Variants in AKAP8L observed in about 807,000 individuals in gnomAD.
AKAP8L encodes A-kinase anchor protein 8-like.
A neutral mutation model predicts 77.5 loss-of-function variants in AKAP8L; 34 were observed. That is an observed-to-expected ratio of 0.44 (90% CI 0.33 to 0.58). The LOEUF (loss-of-function observed/expected upper bound fraction) is 0.58, where lower values mean the gene tolerates loss of function less well. Ranked by LOEUF, AKAP8L falls within the 20% of genes least tolerant of loss-of-function variation. AKAP8L has a pLI of 0.02. For missense variants in AKAP8L, 806 were observed against 887.6 expected (o/e 0.91, Z 1.17); for synonymous variants, 342 against 340.7 (o/e 1.00, Z -0.04).
intron 12 of AKAP8L, among the ~76,000 whole-genome samples, chr19:15,392,224 A>G (rs1967678692): frequency 6.6e-6 from 1 of 152,242 alleles, no homozygotes; most frequent in South Asian, 2.1e-4. Context: ...GGCTGAGCAC[A>G]GTGGCTCATG....
rs1412323016 is a variant in AKAP8L, at chr19:15,400,828, T to C, written c.950A>G (p.Glu317Gly). The C allele has an allele frequency of 6.2e-7, 1 of 1,613,946 alleles. No individual in the cohort carries two copies. Residue 317 changes from glutamate to glycine, a missense_variant, in exon 7 of 14, where the codon GAA becomes GGA. Glu to Gly is a moderately conservative substitution (Grantham distance 98, BLOSUM62 -2). This residue lies in a region of AKAP8L where 580 missense variants were observed against 694.1 expected (regional missense o/e 0.84). Coordinates refer to ENST00000397410, the MANE Select transcript of AKAP8L (RefSeq NM_014371.4). ...GCCCTTCTCCACAGCCTCGGTGCCT[T>C]CAAGGCCCTCTGTGGCTTCCCCCTC... Reference protein sequence around the residue: ...GTEGEATEGLEGTEAVEKGSR... With the variant: ...GTEGEATEGLGGTEAVEKGSR...
Position 15,398,925 on chromosome 19 carries a change from T to G in AKAP8L, c.1157+377A>C. 1 of 556,630 alleles carries G rather than the reference T, an allele frequency of 1.8e-6. No homozygotes were observed. Among genetic ancestry groups the G allele is most frequent in the Non-Finnish European group, 2.5e-6 (1 of 400,418 alleles). The allele number at this position is 556,630 out of a possible 1,614,324, so 34.5% of individuals were successfully genotyped here. A position where few individuals can be genotyped will look rare whatever the true frequency, so the allele number is the denominator to read the frequency against. On this transcript the variant is annotated intron_variant, in intron 9 of 13. Coordinates refer to ENST00000397410, the MANE Select transcript of AKAP8L (RefSeq NM_014371.4). This position sits in a 1 kb window ranked among gnomAD's most constrained non-coding sequence, Gnocchi z 9.2. ...GGCACGGCGGTGGCCTCTTGGCAGC[T>G]AGCTGGGGCGGCACAGGCGCCTTGG... is the stretch of plus-strand genomic sequence containing the variant.
At chr19:15,405,161 TG>T (rs1441429707) in intron 2 of AKAP8L, among the ~76,000 whole-genome samples, 2 of 152,092 alleles carry the variant, frequency 1.3e-5, no homozygotes, top group Non-Finnish European at 2.9e-5. Context: ...GAGAGCAGCA[TG>T]GGTAAGTCAG....
chr19:15,398,061 G>A lies in AKAP8L; in HGVS notation c.1158-206C>T. 1.7e-6 allele frequency: 1 copy of A among 596,590 alleles called. No individual in the cohort carries two copies. Among genetic ancestry groups the A allele is most frequent in the Non-Finnish European group, 2.9e-6 (1 of 340,476 alleles). 37.0% of individuals were successfully genotyped at this position (596,590 alleles called of 1,614,324 possible). A position where few individuals can be genotyped will look rare whatever the true frequency, so the allele number is the denominator to read the frequency against. On this transcript the variant is annotated intron_variant, in intron 9 of 13. Coordinates refer to ENST00000397410, the MANE Select transcript of AKAP8L (RefSeq NM_014371.4). This position sits in a 1 kb window ranked among gnomAD's most constrained non-coding sequence, Gnocchi z 9.2. Reference sequence around the variant, plus strand: ...TGCAGGCTGCAGTTACTGCAACGTAGGGGACAGGGGAGGAGCTCTTCCTTC... The same window carrying A: ...TGCAGGCTGCAGTTACTGCAACGTAAGGGACAGGGGAGGAGCTCTTCCTTC...
intron 12 of AKAP8L, among the ~76,000 whole-genome samples, chr19:15,391,410 AT>A (rs1215867676): frequency 2.7e-5 from 3 of 109,274 alleles, no homozygotes; most frequent in Non-Finnish European, 5.1e-5. Flanking sequence ...GTGAGCCGAG[AT>A]TGCACCACTG....
intron 2 of AKAP8L, 200 bp from the exon 3 acceptor site, chr19:15,404,242 G>C: frequency 1.7e-6 from 1 of 589,538 alleles, no homozygotes; most frequent in South Asian, 2.1e-5. Context: ...GTGGCTCTGA[G>C]CATCTGTTAT....
intron 12 of AKAP8L, among the ~76,000 whole-genome samples, chr19:15,390,187 A>T (rs1967631935): frequency 6.6e-6 from 1 of 152,102 alleles, no homozygotes; most frequent in Non-Finnish European, 1.5e-5. Flanking sequence ...AGGCCAAGGC[A>T]GGCAGATCGC....
At position 15,406,623 on chromosome 19, in the gene AKAP8L, T is replaced by C. The variant is rs143751101; in HGVS notation, c.89-2581A>G. 8.4e-3 allele frequency among the ~76,000 whole-genome samples: 1,277 copies of C among 152,048 alleles called. 8 individuals are homozygous for C. The highest frequency in any genetic ancestry group is 0.014 in the Non-Finnish European group (919 of 67,982). ...CTGGGACAACAGGCATGTGCCACCA[T>C]GCCCAGCTAATTTTTTCTATTTTTG... is the stretch of plus-strand genomic sequence containing the variant. On this transcript the variant is annotated intron_variant, in intron 2 of 13. Transcript: ENST00000397410.
rs752492853 is a variant in AKAP8L, at chr19:15,380,387, T to G, written c.1676A>C (p.Gln559Pro). The change falls in exon 14 of 14, where the codon CAG (glutamine) becomes CCG (proline). Residue 559 changes from glutamine to proline, a missense_variant. Gln to Pro is a moderately conservative substitution (Grantham distance 76, BLOSUM62 -1). This residue lies in a region of AKAP8L where 226 missense variants were observed against 193.5 expected (regional missense o/e 1.17). Coordinates refer to ENST00000397410, the MANE Select transcript of AKAP8L (RefSeq NM_014371.4). The part of the protein sequence containing the change: ...FTDSPEEEKE[Q>P]EEAEGGALDE... ...CAGGGCACCGCCCTCAGCCTCCTCC[T>G]GCTCCTTCTCCTCCTCGGGGCTGTC... 1.1e-5 allele frequency: 17 copies of G among 1,583,360 alleles called. No homozygotes were observed. The highest frequency in any genetic ancestry group is 1.4e-5 in the Non-Finnish European group (16 of 1,167,070).
intron 12 of AKAP8L, among the ~76,000 whole-genome samples, chr19:15,389,454 T>C (rs1421903570): frequency 6.6e-6 from 1 of 151,814 alleles, no homozygotes; most frequent in Non-Finnish European, 1.5e-5. Flanking sequence ...CTTTGGAAGG[T>C]TGATGAAACC....
At chr19:15,389,647 T>C (rs1355640308) in intron 12 of AKAP8L, among the ~76,000 whole-genome samples, 2 of 152,168 alleles carry the variant, frequency 1.3e-5, no homozygotes, top group Non-Finnish European at 2.9e-5. Context: ...GGTGTGCACC[T>C]GTAATCCCAG....
chr19:15,389,105 T>A (rs1171585260), intron 12 of AKAP8L, among the ~76,000 whole-genome samples: 2 of 123,432 alleles, frequency 1.6e-5, no homozygotes, highest in Admixed American at 1.7e-4. Context: ...GCGCCTATAG[T>A]CCCCAGCTAC....
rs146865325 is a variant in AKAP8L, at chr19:15,403,146, G to A, written c.362+329C>T. 1.4e-3 allele frequency among the ~76,000 whole-genome samples: 214 copies of A among 152,256 alleles called. 1 individual carries two copies. Among genetic ancestry groups the A allele is most frequent in the African/African-American group, 4.9e-3 (202 of 41,562 alleles). On this transcript the variant is annotated intron_variant, in intron 4 of 13. Coordinates refer to ENST00000397410, the MANE Select transcript of AKAP8L (RefSeq NM_014371.4). This position sits in a 1 kb window ranked among gnomAD's most constrained non-coding sequence, Gnocchi z 4.3. ...GACACCACGCAGGAGGCAAAGTCTCGAGAGAATTCCAAATGGCTGTCCTTG... is the reference window on the plus strand; with the variant it reads ...GACACCACGCAGGAGGCAAAGTCTCAAGAGAATTCCAAATGGCTGTCCTTG...
At chr19:15,418,003 G>C (rs1485367399) in intron 1 of AKAP8L, among the ~76,000 whole-genome samples, 1 of 152,222 alleles carries the variant, frequency 6.6e-6, no homozygotes, top group Non-Finnish European at 1.5e-5. Context: ...CTCCCTGGCT[G>C]ATCTTCTAAC....
In AKAP8L at chr19:15,418,872, T is replaced by TC. The variant is rs755669871; in HGVS notation, c.13+38dup. 3.2e-6 allele frequency: 5 copies of TC among 1,583,490 alleles called. No individual in the cohort carries two copies. The East Asian group carries it at 1.1e-4, about 36-fold the overall frequency. ...GCGGCATCCGCACGTCCCTGTCCCA[T>TC]CCCCCACGCAGAGCCCGACCCCACC... On this transcript the variant is annotated intron_variant, in intron 1 of 13. Transcript: ENST00000397410.
chr19:15,413,921 A>C (rs1276546615), intron 1 of AKAP8L, among the ~76,000 whole-genome samples: 2 of 152,172 alleles, frequency 1.3e-5, no homozygotes, highest in Non-Finnish European at 2.9e-5. Flanking sequence ...CGATCCATCA[A>C]ACCCTCCAAG....
intron 12 of AKAP8L, among the ~76,000 whole-genome samples, chr19:15,387,804 C>T (rs1180893575): frequency 6.6e-6 from 1 of 152,090 alleles, no homozygotes; most frequent in Admixed American, 6.6e-5. Context: ...ACTAACAATA[C>T]AAAAATTAGC....
At chr19:15,405,986 C>T (rs1031006254) in intron 2 of AKAP8L, among the ~76,000 whole-genome samples, 5 of 151,916 alleles carry the variant, frequency 3.3e-5, no homozygotes, top group Non-Finnish European at 7.4e-5. Context: ...TCCATCAGGG[C>T]TCTGCTTGGG....
At chr19:15,380,918 G>A (rs568670701) in intron 12 of AKAP8L, 122 of 335,012 alleles carry the variant, frequency 3.6e-4, no homozygotes, top group Admixed American at 1.3e-3. Context: ...GAACAATTAA[G>A]AAACTAAGAG....
Sources: gnomAD v4.1 joint callset for allele counts (sites outside exome capture counted in the v4.1 genomes callset) on GRCh38, gnomAD v4.1.1 for gene constraint, gnomAD v4.1.1 regional missense constraint, Gnocchi (gnomAD v3.1) non-coding constraint, MANE v1.5 for transcripts, NCBI Gene and HGNC (gene_info 2026-07-23, HGNC 2026-07-21) for gene names.